The following SPOCK1 variants were observed in gnomAD, a reference collection of about 807,000 sequenced individuals.
SPOCK1 encodes testican-1.
A neutral mutation model predicts 55.3 loss-of-function variants in SPOCK1; 23 were observed. The ratio of observed to expected loss-of-function variants is 0.42; its 90% CI spans 0.30 to 0.59. SPOCK1 has a LOEUF of 0.59. Among genes scored for constraint, SPOCK1 ranks in the 20% least tolerant of loss-of-function variants. The pLI is 0.22. For missense variants in SPOCK1, 499 were observed against 552.5 expected, an observed-to-expected ratio of 0.90 and a Z score of 0.97; for synonymous variants, 226 against 221.0, an observed-to-expected ratio of 1.02 and a Z score of -0.20.
chr5:137,023,030 T>A (rs1266833383), intron 6 of SPOCK1, among the ~76,000 whole-genome samples: 1 of 152,188 alleles, frequency 6.6e-6, no homozygotes, highest in African/African-American at 2.4e-5. Flanking sequence ...CACAGTGTAG[T>A]GGATACAGGC....
chr5:137,325,847 C>A (rs1758065583), intron 2 of SPOCK1, among the ~76,000 whole-genome samples: 1 of 152,098 alleles, frequency 6.6e-6, no homozygotes, highest in Non-Finnish European at 1.5e-5. Context: ...CATATTTGGG[C>A]CAAGGGCTAA....
intron 3 of SPOCK1, among the ~76,000 whole-genome samples, chr5:137,155,118 C>G (rs1264138301): frequency 6.6e-6 from 1 of 152,086 alleles, no homozygotes; most frequent in Admixed American, 6.6e-5. Flanking sequence ...TGCAAGTCCT[C>G]GGTAAGTGTT....
chr5:137,467,764 C>CT (rs1435949975), intron 2 of SPOCK1, among the ~76,000 whole-genome samples: 2 of 152,164 alleles, frequency 1.3e-5, no homozygotes, highest in Non-Finnish European at 2.9e-5. Context: ...TTTATGAAGA[C>CT]TGTGAGGTTG....
intron 8 of SPOCK1, among the ~76,000 whole-genome samples, chr5:136,987,947 T>C (rs1750875533): frequency 6.6e-6 from 1 of 152,250 alleles, no homozygotes; most frequent in South Asian, 2.1e-4. Context: ...CCTCTTTTTT[T>C]CATTAGCTGG....
At chr5:137,497,114 A>G (rs182903398) in intron 2 of SPOCK1, among the ~76,000 whole-genome samples, 48 of 152,242 alleles carry the variant, frequency 3.2e-4, no homozygotes, top group African/African-American at 1.1e-3. Context: ...CAATGTCTCA[A>G]ATTCCCTCTC....
Position 137,079,533 on chromosome 5 carries a change from T to TCCC in SPOCK1, c.475-11707_475-11705dup, listed in dbSNP as rs59775905. Among the ~76,000 whole-genome samples, 5 of 38,610 alleles carry TCCC rather than the reference T, an allele frequency of 1.3e-4. 1 individual carries two copies. The highest frequency in any genetic ancestry group is 2.6e-4 in the Non-Finnish European group (3 of 11,658). The allele number at this position is 38,610 out of a possible 152,430, so 25.3% of individuals were successfully genotyped here. ...TGTCTCTCCTACCATCCCATCTGAT[T>TCCC]CCCCCCCCCCCCGACTTAGTGAAAT... On this transcript the variant is annotated intron_variant, in intron 5 of 10. Transcript: ENST00000394945.
intron 3 of SPOCK1, among the ~76,000 whole-genome samples, chr5:137,184,177 C>T (rs916030285): frequency 6.6e-6 from 1 of 152,312 alleles, no homozygotes; most frequent in Admixed American, 6.5e-5. Flanking sequence ...TAGGCTTTTG[C>T]AGTGAGCATC....
At chr5:137,068,307 A>C (rs144206241) in intron 5 of SPOCK1, among the ~76,000 whole-genome samples, 128 of 152,248 alleles carry the variant, frequency 8.4e-4, no homozygotes, top group African/African-American at 2.9e-3. Flanking sequence ...TGGTAATCTG[A>C]GGCTCAGCCC....
chr5:137,099,660 A>ATATG (rs1411970210), intron 5 of SPOCK1, among the ~76,000 whole-genome samples: 39 of 141,354 alleles, frequency 2.8e-4, no homozygotes, highest in African/African-American at 9.6e-4. Context: ...ATGTGTATGT[A>ATATG]TATGTACATG....
intron 3 of SPOCK1, among the ~76,000 whole-genome samples, chr5:137,164,722 A>G (rs1398290434): frequency 2.0e-5 from 3 of 152,052 alleles, no homozygotes; most frequent in Non-Finnish European, 4.4e-5. Context: ...GGCAGCCTTC[A>G]CCACAAACTG....
chr5:137,417,400 A>T (rs979084338), intron 2 of SPOCK1, among the ~76,000 whole-genome samples: 7 of 149,584 alleles, frequency 4.7e-5, no homozygotes. Context: ...TGTCAAATGC[A>T]CACATTTTAA....
At chr5:137,339,187 C>A (rs1017052411) in intron 2 of SPOCK1, among the ~76,000 whole-genome samples, 1 of 152,206 alleles carries the variant, frequency 6.6e-6, no homozygotes, top group African/African-American at 2.4e-5. Context: ...ATCCATCTCC[C>A]TTTCTATAGG....
At chr5:137,162,219 C>T (rs1370472396) in intron 3 of SPOCK1, among the ~76,000 whole-genome samples, 1 of 149,930 alleles carries the variant, frequency 6.7e-6, no homozygotes, top group Non-Finnish European at 1.5e-5. Context: ...CTCACTGCAA[C>T]CTCCACCTCC....
intron 4 of SPOCK1, among the ~76,000 whole-genome samples, chr5:137,130,356 T>C (rs905542635): frequency 6.6e-6 from 1 of 152,196 alleles, no homozygotes. Flanking sequence ...TAACACAGTG[T>C]CTGGCAAATG....
At chr5:137,079,339 G>C (rs1008820606) in intron 5 of SPOCK1, among the ~76,000 whole-genome samples, 11 of 152,214 alleles carry the variant, frequency 7.2e-5, no homozygotes, top group Admixed American at 2.0e-4. Flanking sequence ...AGGATGGAGG[G>C]ACAGCCCCAC....
At chr5:137,453,538 G>A (rs970462926) in intron 2 of SPOCK1, among the ~76,000 whole-genome samples, 3 of 152,106 alleles carry the variant, frequency 2.0e-5, no homozygotes, top group African/African-American at 4.8e-5. Context: ...ACAATTGTCC[G>A]CAATTTTCTA....
intron 3 of SPOCK1, among the ~76,000 whole-genome samples, chr5:137,172,724 C>T (rs1384846806): frequency 6.6e-6 from 1 of 152,112 alleles, no homozygotes; most frequent in Non-Finnish European, 1.5e-5. Flanking sequence ...ACCCCAGGGA[C>T]ACCCAATCTG....
intron 2 of SPOCK1, among the ~76,000 whole-genome samples, chr5:137,397,697 G>C (rs1319001678): frequency 6.6e-6 from 1 of 152,168 alleles, no homozygotes; most frequent in Admixed American, 6.5e-5. Flanking sequence ...TTGACCTTGA[G>C]CAAGTCACTT....
chr5:137,034,129 T>C (rs13175528), intron 6 of SPOCK1, among the ~76,000 whole-genome samples: 4,854 of 152,278 alleles, frequency 0.032, 290 homozygotes, highest in African/African-American at 0.11. Flanking sequence ...CCAATAGCCA[T>C]GTGCTGCATT....
Sources: gnomAD v4.1 joint callset for allele counts (sites outside exome capture counted in the v4.1 genomes callset) on GRCh38, gnomAD v4.1.1 for gene constraint, MANE v1.5 for transcripts, NCBI Gene and HGNC (gene_info 2026-07-23, HGNC 2026-07-21) for gene names.